Variants in PLPP5 observed in about 807,000 individuals in gnomAD.
The protein encoded by PLPP5 is diacylglycerol pyrophosphate like 1.
A neutral mutation model predicts 23.6 loss-of-function variants in PLPP5; 29 were observed. The ratio of observed to expected loss-of-function variants is 1.23; its 90% confidence interval spans 0.92 to 1.68. The LOEUF (loss-of-function observed/expected upper bound fraction) is 1.68, where lower values mean the gene tolerates loss of function less well. Among genes scored for constraint, PLPP5 ranks in the 40% most tolerant of loss-of-function variants. PLPP5 has a pLI of 0.00. For missense variants in PLPP5, 315 were observed against 332.1 expected, an observed-to-expected ratio of 0.95 and a Z score of 0.40; for synonymous variants, 143 against 131.3, an observed-to-expected ratio of 1.09 and a Z score of -0.61.
At chr8:38,264,777 G>T in intron 6 of PLPP5, 173 bp from the exon 7 acceptor site, 1 of 1,477,420 alleles carries the variant, frequency 6.8e-7, no homozygotes, top group East Asian at 2.4e-5. Context: ...TTTTATCATA[G>T]TTACAGTATT....
chr8:38,267,184 A>G (rs768337798), intron 5 of PLPP5, 83 bp downstream of exon 5: 9 of 1,610,776 alleles, frequency 5.6e-6, no homozygotes, highest in Non-Finnish European at 7.6e-6. Context: ...GAGTAGTCAG[A>G]TTTTCCCATC....
chr8:38,264,762 C>T (rs925412534), intron 6 of PLPP5, 158 bp from the exon 7 acceptor site: 1 of 1,456,506 alleles, frequency 6.9e-7, no homozygotes, highest in Non-Finnish European at 9.1e-7. Flanking sequence ...TCTTTTTATT[C>T]TCAATTTTAT....
intron 2 of PLPP5, 190 bp from the exon 3 acceptor site, chr8:38,268,651 G>C: frequency 7.0e-7 from 1 of 1,436,120 alleles, no homozygotes. Context: ...CGGTACCTCA[G>C]GCTGAGGCAC....
intron 6 of PLPP5, 107 bp downstream of exon 6, chr8:38,266,034 T>G: frequency 2.9e-6 from 3 of 1,017,190 alleles, no homozygotes; most frequent in Non-Finnish European, 4.3e-6. Flanking sequence ...CCATACTCAT[T>G]AATTTGTTCA....
rs1442529273 is a variant in PLPP5, at chr8:38,267,484, G to T, written c.339-93C>A. On this transcript the variant is annotated intron_variant, in intron 4 of 6. Coordinates refer to ENST00000424479, the MANE Select transcript of PLPP5 (RefSeq NM_001102559.2). Reference sequence around the variant, plus strand: ...ACATTAATAATCCTGTTAACTATTGGTCAAATAGTGCCCCAGGCAAAATAA... The same window carrying T: ...ACATTAATAATCCTGTTAACTATTGTTCAAATAGTGCCCCAGGCAAAATAA... 6.2e-6 allele frequency: 9 copies of T among 1,452,938 alleles called. No homozygotes were observed. The Admixed American group carries it at 1.9e-4, about 31-fold the overall frequency. 90.0% of individuals were successfully genotyped at this position (1,452,938 alleles called of 1,614,324 possible).
rs1483860743 is a variant in PLPP5 at position 38,269,007 on chromosome 8, A to C, written c.75-17T>G. On this transcript the variant is annotated splice_polypyrimidine_tract_variant and intron_variant, in intron 1 of 6. Coordinates refer to ENST00000424479, the MANE Select transcript of PLPP5 (RefSeq NM_001102559.2). ...TCCGTCACCCTAGAGGGGAACAAAG[A>C]AGCGCAGAGCAGGTCGCCTGGCTTC... 4 of 1,568,002 alleles carry C rather than the reference A, an allele frequency of 2.6e-6. No individual in the cohort carries two copies. The highest frequency in any genetic ancestry group is 3.4e-6 in the Non-Finnish European group (4 of 1,161,560).
chr8:38,264,149 C>G lies in PLPP5; in HGVS notation c.*295G>C. On this transcript the variant is annotated 3_prime_UTR_variant, in exon 7 of 7. Coordinates refer to ENST00000424479, the MANE Select transcript of PLPP5 (RefSeq NM_001102559.2). ...CACCTGTTCTCTATTGAGATAGATT[C>G]AATTTTTTTTTTTTTTGAGATGGGG... The G allele has an allele frequency of 9.7e-7, 1 of 1,029,832 alleles. No individual in the cohort carries two copies. Among genetic ancestry groups the G allele is most frequent in the South Asian group, 4.0e-5 (1 of 25,070 alleles). The allele number at this position is 1,029,832 out of a possible 1,614,324, so 63.8% of individuals were successfully genotyped here. A position where few individuals can be genotyped will look rare whatever the true frequency, so the allele number is the denominator to read the frequency against.
Position 38,264,013 on chromosome 8 carries a change from A to G in PLPP5, c.*431T>C. 2 of 986,262 alleles carry G rather than the reference A, an allele frequency of 2.0e-6. No individual in the cohort carries two copies. Among genetic ancestry groups the G allele is most frequent in the Non-Finnish European group, 2.4e-6 (2 of 830,534 alleles). 61.1% of individuals were successfully genotyped at this position (986,262 alleles called of 1,614,324 possible). ...AGATGAGCAGGGGCAAAAGTGTGTA[A>G]TCATTTGGAGGCAGAATACAGTGTG... On this transcript the variant is annotated 3_prime_UTR_variant, in exon 7 of 7. Transcript: ENST00000424479.
intron 6 of PLPP5, chr8:38,265,481 T>G (rs758849368): frequency 2.6e-5 from 4 of 151,830 alleles, no homozygotes; most frequent in African/African-American, 7.3e-5. Context: ...TTAGTAGAGA[T>G]AGCGTTTCAC....
rs1807564774 is a variant in PLPP5 at position 38,266,242 on chromosome 8, C to T, written c.533G>A (p.Gly178Asp). Residue 178 changes from glycine (G) to aspartate (D), a missense_variant, in exon 6 of 7, where the codon GGC (glycine) becomes GAC (aspartate). Physicochemically the swap from Gly to Asp is moderately conservative, Grantham distance 94. Coordinates refer to ENST00000424479, the MANE Select transcript of PLPP5 (RefSeq NM_001102559.2). Reference protein sequence around the residue: ...AGKLHCFTPQGRGKSWRFCAF... With the variant: ...AGKLHCFTPQDRGKSWRFCAF... ...ACAGAACCTCCAAGATTTCCCACGGCCTTGTGGTGTGAAGCAGTGTAACTT... is the reference window on the plus strand; with the variant it reads ...ACAGAACCTCCAAGATTTCCCACGGTCTTGTGGTGTGAAGCAGTGTAACTT... 1 of 1,613,796 alleles carries T rather than the reference C, an allele frequency of 6.2e-7. No homozygotes were observed. Among genetic ancestry groups the T allele is most frequent in the Non-Finnish European group, 8.5e-7 (1 of 1,179,808 alleles).
Position 38,264,428 on chromosome 8 carries a change from C to G in PLPP5, c.*16G>C. ...GATTACAGGCATGAGCCACCACGCC[C>G]GGCCAGATTCAATTTTTAAATATCA... On this transcript the variant is annotated 3_prime_UTR_variant, in exon 7 of 7. Transcript: ENST00000424479. The G allele has an allele frequency of 1.3e-6, 2 of 1,534,486 alleles. No individual in the cohort carries two copies. The highest frequency in any genetic ancestry group is 1.7e-4 in the Middle Eastern group (1 of 5,946).
chr8:38,268,206 G>C, intron 3 of PLPP5, 165 bp downstream of exon 3: 3 of 1,068,678 alleles, frequency 2.8e-6, no homozygotes, highest in Non-Finnish European at 3.9e-6. Flanking sequence ...CGTGTAGCCT[G>C]CGTAACCAAG....
In PLPP5 at chr8:38,263,258, C is replaced by T. The variant is rs756815726; in HGVS notation, c.*1186G>A. 4 of 334,292 alleles carry T rather than the reference C, an allele frequency of 1.2e-5. No individual in the cohort carries two copies. The highest frequency in any genetic ancestry group is 1.7e-5 in the Non-Finnish European group (4 of 234,744). The allele number at this position is 334,292 out of a possible 1,614,324, so 20.7% of individuals were successfully genotyped here. A position where few individuals can be genotyped will look rare whatever the true frequency, so the allele number is the denominator to read the frequency against. On this transcript the variant is annotated 3_prime_UTR_variant, in exon 7 of 7. Transcript: ENST00000424479. The stretch of plus-strand genomic sequence containing the variant: ...AGAAAGGGAGCTGTAGGTCCTATGG[C>T]ATCCATTCTGATGACATCCCATAAT...
intron 5 of PLPP5, 193 bp downstream of exon 5, chr8:38,267,074 A>T: frequency 7.0e-7 from 1 of 1,436,346 alleles, no homozygotes; most frequent in African/African-American, 1.4e-5. Flanking sequence ...AAGGTAAACT[A>T]CCTTTCTGTT....
intron 5 of PLPP5, chr8:38,266,968 A>C (rs562993628): frequency 9.1e-7 from 1 of 1,101,152 alleles, no homozygotes; most frequent in Non-Finnish European, 1.2e-6. Flanking sequence ...AAAGTACCTG[A>C]CACATAGAAA....
intron 5 of PLPP5, 88 bp from the exon 6 acceptor site, chr8:38,266,399 T>C (rs1807593477): frequency 1.1e-5 from 13 of 1,211,332 alleles, no homozygotes; most frequent in African/African-American, 4.6e-5. Flanking sequence ...AGCATGAGTA[T>C]GTTTTTATTT....
In PLPP5 at chr8:38,263,631, T is replaced by A. The variant is rs180929672; in HGVS notation, c.*813A>T. On this transcript the variant is annotated 3_prime_UTR_variant, in exon 7 of 7. Transcript: ENST00000424479. ...TAAGATGCACACAAAAGTGATAAAT[T>A]ACCCTAGATTCGACATTTTCCTATT... 17 of 985,430 alleles carry A rather than the reference T, an allele frequency of 1.7e-5. No homozygotes were observed. In the East Asian group the frequency reaches 6.8e-4, roughly 39 times the overall value. 61.0% of individuals were successfully genotyped at this position (985,430 alleles called of 1,614,324 possible). A position where few individuals can be genotyped will look rare whatever the true frequency, so the allele number is the denominator to read the frequency against.
intron 6 of PLPP5, 142 bp downstream of exon 6, chr8:38,265,999 G>A: frequency 1.8e-6 from 1 of 545,362 alleles, no homozygotes; most frequent in Non-Finnish European, 2.9e-6. Context: ...AATTTTAAAT[G>A]TACTTAGTAC....
chr8:38,267,878 GT>G lies in PLPP5; in HGVS notation c.338+18del, dbSNP rs3215009. Reference sequence around the variant, plus strand: ...AAGGGCTGAGGCAGATGCTGGGGTGGTTAGCTGTTGTCACTTACCTCCCTAC... The same window carrying G: ...AAGGGCTGAGGCAGATGCTGGGGTGGTAGCTGTTGTCACTTACCTCCCTAC... On this transcript the variant is annotated intron_variant, in intron 4 of 6. Transcript: ENST00000424479. The G allele has an allele frequency of 0.072, 115,974 of 1,613,158 alleles. 4,790 individuals carry two copies. Among genetic ancestry groups the G allele is most frequent in the South Asian group, 0.13 (12,256 of 91,054 alleles).
Sources: gnomAD v4.1 joint callset for allele counts on GRCh38, gnomAD v4.1.1 for gene constraint, MANE v1.5 for transcripts, NCBI Gene and HGNC (gene_info 2026-07-23, HGNC 2026-07-21) for gene names.